Variants in DICER1 observed in about 807,000 individuals in gnomAD.
DICER1 encodes the protein endoribonuclease Dicer.
Under a neutral mutation model 194.1 loss-of-function variants are expected in DICER1, and 43 were observed. That is an observed-to-expected ratio of 0.22 (90% confidence interval 0.17 to 0.29). The LOEUF (loss-of-function observed/expected upper bound fraction) is 0.29. Among genes scored for constraint, DICER1 ranks in the 10% least tolerant of loss-of-function variants. The pLI is 1.00. For missense variants in DICER1, 1,608 were observed against 2,317.0 expected, an observed-to-expected ratio of 0.69 and a Z score of 6.28; for synonymous variants, 832 against 820.5, an observed-to-expected ratio of 1.01 and a Z score of -0.24.
At chr14:95,152,370 C>CTT (rs1279343669) in intron 1 of DICER1, among the ~76,000 whole-genome samples, 3 of 152,180 alleles carry the variant, frequency 2.0e-5, no homozygotes, top group African/African-American at 7.2e-5. Flanking sequence ...AATATGCAAG[C>CTT]AATATTCTTC....
At chr14:95,114,104 T>C (rs556743966) in intron 11 of DICER1, among the ~76,000 whole-genome samples, 2 of 152,314 alleles carry the variant, frequency 1.3e-5, no homozygotes, top group Admixed American at 6.5e-5. Context: ...TCTAGCTCTG[T>C]CCACTAAAAC....
intron 14 of DICER1, among the ~76,000 whole-genome samples, chr14:95,110,540 A>G (rs1158348324): frequency 1.3e-5 from 2 of 152,128 alleles, no homozygotes; most frequent in Non-Finnish European, 2.9e-5. Flanking sequence ...TTCCTTGTCA[A>G]CGTTCTAATG....
intron 1 of DICER1, among the ~76,000 whole-genome samples, chr14:95,136,446 G>A (rs1473673638): frequency 1.3e-5 from 2 of 151,964 alleles, no homozygotes; most frequent in Non-Finnish European, 2.9e-5. Context: ...GTGCAATGAT[G>A]GCTCACTGCA....
At chr14:95,114,327 C>T (rs1892245019) in intron 11 of DICER1, among the ~76,000 whole-genome samples, 1 of 152,176 alleles carries the variant, frequency 6.6e-6, no homozygotes, top group African/African-American at 2.4e-5. Context: ...GGGGTTCCCA[C>T]TGGCCAAATA....
In DICER1 at chr14:95,108,482, T is replaced by G. The variant is rs761639070; in HGVS notation, c.2278A>C (p.Ser760Arg). ...CAGGGCTGATCAGGTCTGGGATAAC[T>G]ATCCCTCAAACACTCTGGAATCTAG... is the stretch of plus-strand genomic sequence containing the variant. ...PKAIPECLRD[S>R]YPRPDQPCYL... The change falls in exon 15 of 27, where the codon AGT becomes CGT. Residue 760 changes from serine to arginine, a missense_variant. By Grantham distance (110) the Ser-to-Arg change is moderately radical. Coordinates refer to ENST00000343455, the MANE Select transcript of DICER1 (RefSeq NM_177438.3). The G allele has an allele frequency of 6.2e-7, 1 of 1,614,034 alleles. No individual in the cohort carries two copies. The highest frequency in any genetic ancestry group is 1.3e-5 in the African/African-American group (1 of 74,940).
chr14:95,129,427 T>C (rs373197452), intron 6 of DICER1, 45 bp downstream of exon 6: 10 of 1,589,132 alleles, frequency 6.3e-6, no homozygotes, highest in Non-Finnish European at 8.6e-6. Context: ...CTTAATATTG[T>C]TTTCAACTAA....
chr14:95,101,890 T>A (rs1486053300), intron 21 of DICER1, among the ~76,000 whole-genome samples: 1 of 152,140 alleles, frequency 6.6e-6, no homozygotes, highest in Non-Finnish European at 1.5e-5. Flanking sequence ...GATGGTTCTA[T>A]CCGGAGCAGT....
rs1438913355 is a variant in DICER1 at position 95,099,647 on chromosome 14, C to T, written c.4206+133G>A. Reference sequence around the variant, plus strand: ...ATTAATTAAATATATCAAATATCTACTCTATTATAAACATACCAAGAAAAT... The same window carrying T: ...ATTAATTAAATATATCAAATATCTATTCTATTATAAACATACCAAGAAAAT... On this transcript the variant is annotated intron_variant, in intron 22 of 26. Coordinates refer to ENST00000343455, the MANE Select transcript of DICER1 (RefSeq NM_177438.3). 7 of 1,121,402 alleles carry T rather than the reference C, an allele frequency of 6.2e-6. No individual in the cohort carries two copies. In the East Asian group the frequency reaches 1.6e-4, roughly 26 times the overall value. 69.5% of individuals were successfully genotyped at this position (1,121,402 alleles called of 1,614,324 possible).
At position 95,104,076 on chromosome 14, in the gene DICER1, A is replaced by G. The variant is rs1891187843; in HGVS notation, c.3320T>C (p.Phe1107Ser). 6.2e-7 allele frequency: 1 copy of G among 1,613,970 alleles called. No homozygotes were observed. Among genetic ancestry groups the G allele is most frequent in the African/African-American group, 1.3e-5 (1 of 74,932 alleles). Reference protein sequence around the residue: ...GWKKSIDSKSFISISNSSSAE... With the variant: ...GWKKSIDSKSSISISNSSSAE... Reference sequence around the variant, plus strand: ...TGAAGAGGAGTTAGAAATTGAGATGAAAGATTTGCTGTCAATAGATTTTTT... The same window carrying G: ...TGAAGAGGAGTTAGAAATTGAGATGGAAGATTTGCTGTCAATAGATTTTTT... Residue 1107 changes from phenylalanine (F) to serine (S), a missense_variant, in exon 21 of 27, where the codon TTC becomes TCC. By Grantham distance (155) the Phe-to-Ser change is radical. Coordinates refer to ENST00000343455, the MANE Select transcript of DICER1 (RefSeq NM_177438.3).
In DICER1 at chr14:95,105,042, GTTC is replaced by G. The variant is rs1566771119; in HGVS notation, c.3269+26_3269+28del. On this transcript the variant is annotated intron_variant, in intron 20 of 26. Transcript: ENST00000343455. This position sits in a 1 kb window ranked among gnomAD's most constrained non-coding sequence, Gnocchi z 4.9. ...TTGCAAACAGGATCTCATGATCTGT[GTTC>G]TTTCTGGCTGACTGCACAGGCATAC... 1 of 1,608,548 alleles carries G rather than the reference GTTC, an allele frequency of 6.2e-7. No homozygotes were observed. Among genetic ancestry groups the G allele is most frequent in the Non-Finnish European group, 8.5e-7 (1 of 1,175,898 alleles).
intron 22 of DICER1, among the ~76,000 whole-genome samples, chr14:95,099,324 G>T (rs543724693): frequency 6.6e-6 from 1 of 151,888 alleles, no homozygotes; most frequent in Non-Finnish European, 1.5e-5. Flanking sequence ...AAGTTCACAG[G>T]AGTCCTGACT....
intron 1 of DICER1, among the ~76,000 whole-genome samples, chr14:95,152,331 A>C (rs575285818): frequency 1.3e-4 from 20 of 152,376 alleles, no homozygotes; most frequent in African/African-American, 4.6e-4. Context: ...GTCCAAAAGC[A>C]GAATAGTAAT....
In DICER1 at chr14:95,112,208, C is replaced by T. The variant is rs770652592; in HGVS notation, c.2080G>A (p.Val694Ile). Residue 694 changes from valine (V) to isoleucine (I), a missense_variant, in exon 13 of 27, where the codon GTA (valine) becomes ATA (isoleucine). Transcript: ENST00000343455. ...AGTTTCTCACAGCAAATGAGAGCTA[C>T]AACTCTTTCAGCCAATCGTACACAG... ...MSCVRLAERV[V>I]ALICCEKLHK... The T allele has an allele frequency of 1.2e-6, 2 of 1,614,018 alleles. No individual in the cohort carries two copies. Among genetic ancestry groups the T allele is most frequent in the Admixed American group, 1.7e-5 (1 of 60,022 alleles).
At chr14:95,152,530 T>G (rs1895581898) in intron 1 of DICER1, among the ~76,000 whole-genome samples, 1 of 152,162 alleles carries the variant, frequency 6.6e-6, no homozygotes, top group African/African-American at 2.4e-5. Context: ...TCCATAAACC[T>G]TAACACAACC....
chr14:95,127,870 T>C (rs10149095), intron 6 of DICER1, among the ~76,000 whole-genome samples: 45,760 of 152,120 alleles, frequency 0.3, 7,655 homozygotes, highest in East Asian at 0.5. Flanking sequence ...TAGGCATTTG[T>C]CAGAATGAGG....
intron 17 of DICER1, among the ~76,000 whole-genome samples, 191 bp downstream of exon 17, chr14:95,107,417 A>AT (rs1385944025): frequency 6.6e-6 from 1 of 151,830 alleles, no homozygotes; most frequent in Non-Finnish European, 1.5e-5. Context: ...CGCCTGGCTA[A>AT]TTTTTTGTAT....
chr14:95,156,400 C>A (rs1231431330), intron 1 of DICER1, among the ~76,000 whole-genome samples: 1 of 152,222 alleles, frequency 6.6e-6, no homozygotes, highest in Non-Finnish European at 1.5e-5. Flanking sequence ...TCCACAAAAG[C>A]ACGGAGTTAA....
chr14:95,139,615 C>G (rs1472080734), intron 1 of DICER1, among the ~76,000 whole-genome samples: 3 of 152,176 alleles, frequency 2.0e-5, no homozygotes, highest in Admixed American at 6.5e-5. Context: ...CTACAATGTT[C>G]TGTATATACA....
chr14:95,112,747 C>CT (rs1387903425), intron 12 of DICER1, among the ~76,000 whole-genome samples: 2 of 152,176 alleles, frequency 1.3e-5, no homozygotes, highest in Admixed American at 6.5e-5. Flanking sequence ...TTATATTACT[C>CT]TAAGTGTCTA....
Sources: gnomAD v4.1 joint callset for allele counts (sites outside exome capture counted in the v4.1 genomes callset) on GRCh38, gnomAD v4.1.1 for gene constraint, Gnocchi (gnomAD v3.1) non-coding constraint, MANE v1.5 for transcripts, NCBI Gene and HGNC (gene_info 2026-07-23, HGNC 2026-07-21) for gene names.